LYPLAL1: variants seen among roughly 807,000 people sequenced by gnomAD.
LYPLAL1 encodes lysophospholipase-like protein 1.
Under a neutral mutation model 19.7 loss-of-function variants are expected in LYPLAL1, and 23 were observed. The ratio of observed to expected loss-of-function variants is 1.17; its 90% CI spans 0.84 to 1.65. The LOEUF is 1.65. Ranked by LOEUF, LYPLAL1 falls within the 40% of genes most tolerant of loss-of-function variation. The probability of loss-of-function intolerance (pLI) is 0.00; values close to 1 mark genes in which losing one functional copy is unlikely to be tolerated. For synonymous variants in LYPLAL1, 119 were observed against 96.3 expected, an observed-to-expected ratio of 1.24 and a Z score of -1.38; for missense variants, 355 against 279.4, an observed-to-expected ratio of 1.27 and a Z score of -1.93.
intron 2 of LYPLAL1, among the ~76,000 whole-genome samples, chr1:219,186,407 G>A (rs1224909983): frequency 6.6e-6 from 1 of 151,740 alleles, no homozygotes; most frequent in Non-Finnish European, 1.5e-5. Flanking sequence ...AGTTGCCAAG[G>A]GATGGGTATT....
chr1:219,209,840 G>T (rs190796551), intron 3 of LYPLAL1, among the ~76,000 whole-genome samples: 3 of 152,142 alleles, frequency 2.0e-5, no homozygotes, highest in East Asian at 3.9e-4. Context: ...GAACAGGAGG[G>T]TCTGTGTATT....
chr1:219,377,777 C>T, the LYPLAL1 span, among the ~76,000 whole-genome samples: 6 of 151,440 alleles, frequency 4.0e-5, no homozygotes, highest in Non-Finnish European at 8.8e-5. Flanking sequence ...CCGACTCTTA[C>T]ATCTTGTTCT....
chr1:219,197,462 T>C (rs1382758360), intron 3 of LYPLAL1, among the ~76,000 whole-genome samples: 1 of 152,184 alleles, frequency 6.6e-6, no homozygotes, highest in African/African-American at 2.4e-5. Context: ...ACTTACACCT[T>C]ATACAAAAAC....
At chr1:219,378,274 A>AGGGGCTACATGACTGGGG in the LYPLAL1 span, among the ~76,000 whole-genome samples, 3,064 of 152,284 alleles carry the variant, frequency 0.02, 87 homozygotes, top group African/African-American at 0.068. Flanking sequence ...AAGCCTCAGA[A>AGGGGCTACATGACTGGGG]AAGCTACAGT....
the LYPLAL1 span, among the ~76,000 whole-genome samples, chr1:219,306,129 G>A: frequency 6.6e-6 from 1 of 152,098 alleles, no homozygotes; most frequent in African/African-American, 2.4e-5. Flanking sequence ...ACATATGAAT[G>A]GTATCTTCTT....
intron 2 of LYPLAL1, among the ~76,000 whole-genome samples, chr1:219,191,944 T>A (rs781400890): frequency 6.6e-6 from 1 of 151,666 alleles, no homozygotes; most frequent in Non-Finnish European, 1.5e-5. Context: ...AGTTCAACTT[T>A]CTTGTTTCCA....
the LYPLAL1 span, among the ~76,000 whole-genome samples, chr1:219,355,233 G>C: frequency 2.4e-3 from 371 of 152,274 alleles, 2 homozygotes; most frequent in African/African-American, 8.7e-3. Context: ...GATATGGCTA[G>C]TGGCTACTGC....
chr1:219,439,995 A>T, the LYPLAL1 span, among the ~76,000 whole-genome samples: 12 of 85,562 alleles, frequency 1.4e-4, no homozygotes, highest in East Asian at 1.8e-3. Flanking sequence ...ATATATACAC[A>T]CATATATATA....
chr1:219,306,849 T>TAGATAGATAGAC, the LYPLAL1 span, among the ~76,000 whole-genome samples: 824 of 135,364 alleles, frequency 6.1e-3, 10 homozygotes, highest in African/African-American at 0.018. Flanking sequence ...GATAGATAGA[T>TAGATAGATAGAC]AGACAGACAG....
the LYPLAL1 span, among the ~76,000 whole-genome samples, chr1:219,293,381 C>T: frequency 9.1e-4 from 138 of 151,896 alleles, 1 homozygote; most frequent in African/African-American, 3.1e-3. Flanking sequence ...AGAAATAATC[C>T]CATTCCCCAA....
chr1:219,297,644 T>C, the LYPLAL1 span, among the ~76,000 whole-genome samples: 1 of 152,250 alleles, frequency 6.6e-6, no homozygotes, highest in Non-Finnish European at 1.5e-5. Flanking sequence ...TTTTTATTGG[T>C]ATTGATTCAA....
At chr1:219,322,272 T>G in the LYPLAL1 span, among the ~76,000 whole-genome samples, 1 of 152,130 alleles carries the variant, frequency 6.6e-6, no homozygotes, top group African/African-American at 2.4e-5. Flanking sequence ...ACCTCTCAGC[T>G]CTCTCATTTG....
At chr1:219,384,311 A>G in the LYPLAL1 span, among the ~76,000 whole-genome samples, 1 of 152,246 alleles carries the variant, frequency 6.6e-6, no homozygotes, top group African/African-American at 2.4e-5. Context: ...GCCAGTTTTT[A>G]AAATTCTGTA....
chr1:219,253,232 C>T, the LYPLAL1 span, among the ~76,000 whole-genome samples: 6 of 151,596 alleles, frequency 4.0e-5, no homozygotes, highest in African/African-American at 1.5e-4. Flanking sequence ...TTCAAGAAAA[C>T]AACTCCTGGA....
At chr1:219,271,919 A>T in the LYPLAL1 span, 7 of 152,216 alleles carry the variant, frequency 4.6e-5, no homozygotes, top group African/African-American at 1.7e-4. Context: ...AGTCTGTGAA[A>T]ACCAGCAGCT....
chr1:219,184,348 T>C (rs1656547204), intron 2 of LYPLAL1, among the ~76,000 whole-genome samples: 2 of 151,922 alleles, frequency 1.3e-5, no homozygotes, highest in African/African-American at 4.8e-5. Context: ...GAGAAATAAA[T>C]TTTAGTTTTT....
At chr1:219,265,116 G>A in the LYPLAL1 span, among the ~76,000 whole-genome samples, 2 of 152,064 alleles carry the variant, frequency 1.3e-5, no homozygotes. Context: ...GCAATAAATG[G>A]GCTAAAGAAA....
the LYPLAL1 span, among the ~76,000 whole-genome samples, chr1:219,246,618 A>G: frequency 6.6e-6 from 1 of 152,138 alleles, no homozygotes; most frequent in Non-Finnish European, 1.5e-5. Flanking sequence ...ACAGGGTCTC[A>G]CCCTGTTGCC....
the LYPLAL1 span, among the ~76,000 whole-genome samples, chr1:219,420,602 A>T: frequency 6.7e-6 from 1 of 150,218 alleles, no homozygotes; most frequent in Non-Finnish European, 1.5e-5. Context: ...ACATAGCCTA[A>T]TTTTTTTTTT....
Sources: allele counts gnomAD v4.1 joint callset (sites outside exome capture counted in the v4.1 genomes callset), GRCh38; gene constraint gnomAD v4.1.1; transcripts MANE v1.5; gene names NCBI Gene and HGNC (gene_info 2026-07-23, HGNC 2026-07-21).